Variants in AFF2 observed in about 807,000 individuals in gnomAD.
AFF2 encodes the protein AF4/FMR2 family member 2.
A neutral mutation model predicts 76.9 loss-of-function variants in AFF2; 14 were observed. That is an observed-to-expected ratio of 0.18 (90% confidence interval 0.12 to 0.28). The LOEUF (loss-of-function observed/expected upper bound fraction) is 0.28, where lower values mean the gene tolerates loss of function less well. AFF2 is among the 10% of genes least tolerant of loss of function. AFF2 has a pLI of 1.00. For synonymous variants in AFF2, 398 were observed against 366.7 expected, an observed-to-expected ratio of 1.09 and a Z score of -0.98; for missense variants, 868 against 1,001.1, an observed-to-expected ratio of 0.87 and a Z score of 1.79.
chrX:148,795,832 AATAT>A (rs1169188980), intron 3 of AFF2, among the ~76,000 whole-genome samples: 442 of 15,500 alleles, frequency 0.029, 18 homozygotes, highest in East Asian at 0.15. Context: ...AAAAAAAAAA[AATAT>A]ATATATATAT....
At chrX:148,504,465 C>T (rs1280661209) in intron 1 of AFF2, among the ~76,000 whole-genome samples, 4 of 112,834 alleles carry the variant, frequency 3.5e-5, no homozygotes, top group Non-Finnish European at 5.6e-5. Context: ...CAAGGGACAG[C>T]ATCAATTGTT....
At chrX:148,669,673 C>A (rs181004118) in intron 3 of AFF2, among the ~76,000 whole-genome samples, 1 of 111,324 alleles carries the variant, frequency 9.0e-6, no homozygotes, top group Non-Finnish European at 1.9e-5. Context: ...TACATCCCAC[C>A]AGATTCCTCC....
chrX:148,543,129 A>T (rs2052879162), intron 1 of AFF2, among the ~76,000 whole-genome samples: 1 of 111,483 alleles, frequency 9.0e-6, no homozygotes, highest in African/African-American at 3.3e-5. Context: ...GGGTCCATGG[A>T]ACAGCAGCAT....
At chrX:148,746,243 A>G (rs1374453105) in intron 3 of AFF2, among the ~76,000 whole-genome samples, 1 of 112,078 alleles carries the variant, frequency 8.9e-6, no homozygotes, top group Non-Finnish European at 1.9e-5. Context: ...TGAAACCCTG[A>G]CAGGCTTTTC....
At chrX:148,528,482 G>T (rs536548492) in intron 1 of AFF2, among the ~76,000 whole-genome samples, 40 of 111,115 alleles carry the variant, frequency 3.6e-4, no homozygotes, top group African/African-American at 1.2e-3. Flanking sequence ...TTCTCATGGC[G>T]TTCCTGGTGT....
chrX:148,748,742 T>C lies in AFF2; in HGVS notation c.1042-61134T>C, dbSNP rs782535072. Among the ~76,000 whole-genome samples, 6 of 111,139 alleles carry C rather than the reference T, an allele frequency of 5.4e-5. No individual in the cohort carries two copies. In the South Asian group the frequency reaches 2.3e-3, roughly 42 times the overall value. ...CACTTGAGACCCTATTTGGGAAAAA[T>C]GGTTGGCATTCCTGAAAAAGTGCTT... On this transcript the variant is annotated intron_variant, in intron 3 of 20. Coordinates refer to ENST00000370460, the MANE Select transcript of AFF2 (RefSeq NM_002025.4).
chrX:148,936,023 C>T (rs1299115001), intron 9 of AFF2, among the ~76,000 whole-genome samples: 6 of 111,110 alleles, frequency 5.4e-5, no homozygotes, highest in Admixed American at 1.9e-4. Context: ...GATCTAATTC[C>T]ATTAAATATG....
intron 1 of AFF2, among the ~76,000 whole-genome samples, chrX:148,540,423 T>C (rs1281029008): frequency 1.0e-5 from 1 of 98,129 alleles, no homozygotes; most frequent in Non-Finnish European, 2.1e-5. Flanking sequence ...TTTTTTTTTT[T>C]CATGTTCTCA....
In AFF2 at chrX:148,524,123, C is replaced by CTG. The variant is rs59890095; in HGVS notation, c.47+23012_47+23013dup. ...TCTCTCTCTCTCTCTCTCTCTCTCT[C>CTG]TGTGTGTGTGTGTGTGTGTGTGTGT... On this transcript the variant is annotated intron_variant, in intron 1 of 20. Transcript: ENST00000370460. Among the ~76,000 whole-genome samples, 718 of 83,437 alleles carry CTG rather than the reference C, an allele frequency of 8.6e-3. 11 individuals are homozygous for CTG. The highest frequency in any genetic ancestry group is 0.026 in the African/African-American group (502 of 19,160). The allele number at this position is 83,437 out of a possible 115,157, so 72.5% of individuals were successfully genotyped here.
intron 3 of AFF2, among the ~76,000 whole-genome samples, chrX:148,686,362 A>G (rs2054602162): frequency 8.9e-6 from 1 of 111,865 alleles, no homozygotes; most frequent in Non-Finnish European, 1.9e-5. Context: ...ACATAAATGT[A>G]TGCAGCAGCA....
At chrX:148,613,635 C>A (rs2053755964) in intron 1 of AFF2, among the ~76,000 whole-genome samples, 1 of 111,360 alleles carries the variant, frequency 9.0e-6, no homozygotes, top group Admixed American at 9.5e-5. Flanking sequence ...AGCCCCAGCA[C>A]AATTTAACCC....
At chrX:148,874,624 G>A (rs1448147738) in intron 7 of AFF2, among the ~76,000 whole-genome samples, 2 of 112,002 alleles carry the variant, frequency 1.8e-5, no homozygotes, top group Admixed American at 1.9e-4. Context: ...AGTTATCTCC[G>A]TGTTTCAGAA....
At position 148,679,364 on chromosome X, in the gene AFF2, T is replaced by A. The variant is rs181283658; in HGVS notation, c.1041+16596T>A. The stretch of plus-strand genomic sequence containing the variant: ...CATTTAAAAATTATGTCTTCATAAA[T>A]CAAGAGGATATATTACTTAGAGCTA... On this transcript the variant is annotated intron_variant, in intron 3 of 20. Transcript: ENST00000370460. 3.6e-4 allele frequency among the ~76,000 whole-genome samples: 39 copies of A among 109,618 alleles called. No individual in the cohort carries two copies. In the Admixed American group the frequency reaches 3.8e-3, roughly 11 times the overall value.
At chrX:148,732,005 A>C (rs2055225846) in intron 3 of AFF2, among the ~76,000 whole-genome samples, 1 of 49,733 alleles carries the variant, frequency 2.0e-5, no homozygotes, top group African/African-American at 1.5e-4. Flanking sequence ...CCATTGTGGA[A>C]GTCAGTGTGG....
intron 7 of AFF2, among the ~76,000 whole-genome samples, chrX:148,874,433 CG>C (rs2071012787): frequency 2.4e-4 from 1 of 4,101 alleles, no homozygotes; most frequent in Admixed American, 7.6e-3. Flanking sequence ...GTTTTAGAGA[CG>C]AAAAAAAAAA....
At chrX:148,673,224 C>A (rs1218353442) in intron 3 of AFF2, among the ~76,000 whole-genome samples, 1 of 111,974 alleles carries the variant, frequency 8.9e-6, no homozygotes, top group African/African-American at 3.3e-5. Context: ...CAAGACTCTG[C>A]AAATGGGAGG....
chrX:148,984,924 A>G (rs904308021), intron 19 of AFF2, among the ~76,000 whole-genome samples: 5 of 110,752 alleles, frequency 4.5e-5, no homozygotes, highest in Non-Finnish European at 9.5e-5. Flanking sequence ...TAGAGTCCAC[A>G]TCTCCTGGGA....
chrX:148,674,193 T>A (rs2054455297), intron 3 of AFF2, among the ~76,000 whole-genome samples: 1 of 112,122 alleles, frequency 8.9e-6, no homozygotes, highest in Non-Finnish European at 1.9e-5. Flanking sequence ...TATGTCCATG[T>A]GTCATGAAAT....
chrX:148,660,931 G>C (rs192895800), intron 2 of AFF2, among the ~76,000 whole-genome samples: 4 of 112,397 alleles, frequency 3.6e-5, no homozygotes, highest in Non-Finnish European at 5.6e-5. Context: ...CCATTTTTTA[G>C]TCATGATAAC....
Sources: gnomAD v4.1 joint callset for allele counts (sites outside exome capture counted in the v4.1 genomes callset) on GRCh38, gnomAD v4.1.1 for gene constraint, MANE v1.5 for transcripts, NCBI Gene and HGNC (gene_info 2026-07-23, HGNC 2026-07-21) for gene names.